Variants in PRKDC observed in about 807,000 individuals in gnomAD.
PRKDC encodes protein kinase, DNA-activated, catalytic subunit, also known as DNA-dependent protein kinase catalytic subunit.
In PRKDC, 82 loss-of-function variants were observed where a neutral mutation model predicts 486.9. The ratio of observed to expected loss-of-function variants is 0.17; its 90% confidence interval spans 0.14 to 0.20. The LOEUF (loss-of-function observed/expected upper bound fraction) is 0.20, where lower values mean the gene tolerates loss of function less well. PRKDC is among the 10% of genes least tolerant of loss of function. PRKDC has a pLI of 1.00. For missense variants in PRKDC, 4,504 were observed against 5,038.2 expected (o/e 0.89, Z 3.21); for synonymous variants, 1,895 against 1,837.0 (o/e 1.03, Z -0.81).
chr8:47,788,520 C>T (rs2086831038), intron 76 of PRKDC, among the ~76,000 whole-genome samples: 1 of 152,320 alleles, frequency 6.6e-6, no homozygotes, highest in African/African-American at 2.4e-5. Flanking sequence ...CTCCTGAGCA[C>T]CCAGAACTGT....
In PRKDC at chr8:47,837,418, A is replaced by T; in HGVS notation, c.7555T>A (p.Leu2519Ile). Residue 2519 changes from leucine (L) to isoleucine (I), a missense_variant and splice_region_variant, in exon 57 of 86, where the codon TTA becomes ATA. Leu to Ile is a conservative substitution (Grantham distance 5, BLOSUM62 2). Transcript: ENST00000314191. ...TGGCTCCAGAAATTTCGAATAATTA[A>T]TCTGAAAAGCAAAGAGAAAAAAGTA... ...GLIDENPGLQ[L>I]IIRNFWSHET... The T allele has an allele frequency of 6.3e-7, 1 of 1,596,448 alleles. No individual in the cohort carries two copies.
rs1246157150 is a variant in PRKDC at position 47,858,842 on chromosome 8, A to G, written c.6345+7T>C. 6.2e-7 allele frequency: 1 copy of G among 1,612,058 alleles called. No homozygotes were observed. Among genetic ancestry groups the G allele is most frequent in the East Asian group, 2.2e-5 (1 of 44,838 alleles). ...GTATTAACAGGTAAGATGAGTGGGA[A>G]AAGCACCTCTTCTCCTTGAGGCGGG... On this transcript the variant is annotated splice_region_variant and intron_variant, in intron 47 of 85. Coordinates refer to ENST00000314191, the MANE Select transcript of PRKDC (RefSeq NM_006904.7).
At chr8:47,959,137 A>C (rs1013787040) in intron 1 of PRKDC, 6 of 152,204 alleles carry the variant, frequency 3.9e-5, no homozygotes. Flanking sequence ...CACAACATCA[A>C]GGTCTGCATA....
intron 58 of PRKDC, among the ~76,000 whole-genome samples, chr8:47,834,912 G>C (rs1019563273): frequency 1.3e-4 from 19 of 151,800 alleles, no homozygotes; most frequent in Non-Finnish European, 2.5e-4. Context: ...GGATGGTCTC[G>C]ATCTCCTGAC....
chr8:47,947,844 G>A (rs1406129650), intron 7 of PRKDC, among the ~76,000 whole-genome samples: 1 of 152,108 alleles, frequency 6.6e-6, no homozygotes, highest in Non-Finnish European at 1.5e-5. Flanking sequence ...GGAGGCAGAG[G>A]TTACAGTGAG....
At chr8:47,936,583 C>G in intron 11 of PRKDC, 66 bp from the exon 12 acceptor site, 2 of 1,538,170 alleles carry the variant, frequency 1.3e-6, no homozygotes, top group Non-Finnish European at 1.8e-6. Flanking sequence ...TTTAAGGTGT[C>G]ATGTTAAGCC....
At chr8:47,923,627 G>A (rs562222984) in intron 21 of PRKDC, among the ~76,000 whole-genome samples, 5 of 152,284 alleles carry the variant, frequency 3.3e-5, no homozygotes, top group African/African-American at 7.2e-5. Context: ...TCATTAGTAC[G>A]TGTTTGGCTG....
chr8:47,880,616 TA>T (rs988387147), intron 38 of PRKDC, among the ~76,000 whole-genome samples: 6 of 152,292 alleles, frequency 3.9e-5, no homozygotes, highest in African/African-American at 1.4e-4. Flanking sequence ...TTCTTGACCC[TA>T]AAAATCACCA....
chr8:47,935,318 G>A (rs927491902), intron 13 of PRKDC, among the ~76,000 whole-genome samples: 1 of 152,030 alleles, frequency 6.6e-6, no homozygotes, highest in Non-Finnish European at 1.5e-5. Flanking sequence ...TAGCCAATAT[G>A]GTGAAACCCT....
chr8:47,851,553 T>C (rs2088403504), intron 52 of PRKDC, among the ~76,000 whole-genome samples: 2 of 152,216 alleles, frequency 1.3e-5, no homozygotes, highest in African/African-American at 4.8e-5. Flanking sequence ...TGGCTTCTCC[T>C]GAGCCTCTCC....
chr8:47,778,131 C>G (rs548132363), intron 83 of PRKDC, among the ~76,000 whole-genome samples: 6 of 152,328 alleles, frequency 3.9e-5, no homozygotes, highest in African/African-American at 1.4e-4. Context: ...CCAAAACATT[C>G]AGAGGTTAAC....
intron 21 of PRKDC, among the ~76,000 whole-genome samples, chr8:47,919,063 C>T (rs2090033308): frequency 1.3e-5 from 2 of 152,010 alleles, no homozygotes; most frequent in African/African-American, 2.4e-5. Context: ...CCCACTGCCC[C>T]GAATGCTTCA....
At chr8:47,824,120 C>A in intron 63 of PRKDC, 124 bp from the exon 64 acceptor site, 1 of 1,030,964 alleles carries the variant, frequency 9.7e-7, no homozygotes, top group South Asian at 4.1e-5. Flanking sequence ...TAAAGTGTTA[C>A]TTTAATTTTG....
chr8:47,926,443 A>T (rs964618867), intron 21 of PRKDC, among the ~76,000 whole-genome samples: 31 of 152,008 alleles, frequency 2.0e-4, no homozygotes, highest in Non-Finnish European at 4.1e-4. Flanking sequence ...AAACCTCACA[A>T]TTTTTTTTCT....
chr8:47,901,342 C>T (rs1393309837), intron 27 of PRKDC, among the ~76,000 whole-genome samples: 2 of 151,588 alleles, frequency 1.3e-5, no homozygotes, highest in Non-Finnish European at 2.9e-5. Flanking sequence ...TGCGTAGTGG[C>T]GGGCGCCTGT....
chr8:47,898,103 A>G (rs755187903), intron 29 of PRKDC, among the ~76,000 whole-genome samples: 28 of 152,246 alleles, frequency 1.8e-4, no homozygotes, highest in Non-Finnish European at 3.4e-4. Context: ...CTATTTGAAC[A>G]TTCAGTTCAT....
intron 25 of PRKDC, among the ~76,000 whole-genome samples, chr8:47,911,959 G>C (rs576225800): frequency 6.6e-6 from 1 of 151,834 alleles, no homozygotes; most frequent in Non-Finnish European, 1.5e-5. Context: ...TAGTAGAGAC[G>C]GGGGTTTTAT....
chr8:47,926,438 TCA>T (rs2090157994), intron 21 of PRKDC, among the ~76,000 whole-genome samples: 1 of 152,196 alleles, frequency 6.6e-6, no homozygotes, highest in South Asian at 2.1e-4. Context: ...AGGTAAAACC[TCA>T]CAATTTTTTT....
chr8:47,827,531 T>C (rs2087764615), intron 62 of PRKDC, among the ~76,000 whole-genome samples: 1 of 152,220 alleles, frequency 6.6e-6, no homozygotes, highest in Admixed American at 6.5e-5. Flanking sequence ...TCAGGCTGTG[T>C]TGCCTTGGAA....
Sources: allele counts gnomAD v4.1 joint callset (sites outside exome capture counted in the v4.1 genomes callset), GRCh38; gene constraint gnomAD v4.1.1; transcripts MANE v1.5; gene names NCBI Gene and HGNC (gene_info 2026-07-23, HGNC 2026-07-21).